TAF6: variants seen among roughly 807,000 people sequenced by gnomAD.
TAF6 encodes the protein transcription initiation factor TFIID subunit 6.
TAF6 carries 50 observed loss-of-function variants against 73.5 expected under a neutral mutation model. The ratio of observed to expected loss-of-function variants is 0.68; its 90% confidence interval spans 0.54 to 0.86. The LOEUF is 0.86. Ranked by LOEUF, TAF6 falls within the 40% of genes least tolerant of loss-of-function variation. The probability of loss-of-function intolerance (pLI) is 0.00; values close to 1 mark genes in which losing one functional copy is unlikely to be tolerated. For synonymous variants in TAF6, 424 were observed against 376.7 expected (o/e 1.13, Z -1.45); for missense variants, 768 against 899.5 (o/e 0.85, Z 1.87).
In TAF6 at chr7:100,113,853, G is replaced by C; in HGVS notation, c.243+15C>G. The C allele has an allele frequency of 6.2e-7, 1 of 1,611,066 alleles. No homozygotes were observed. The highest frequency in any genetic ancestry group is 8.5e-7 in the Non-Finnish European group (1 of 1,178,660). The stretch of plus-strand genomic sequence containing the variant: ...ATGGCGTCTCACCCCCCCCCCGCCT[G>C]TCTCCCCAAATCACCTCGACATTCT... On this transcript the variant is annotated intron_variant, in intron 3 of 14. Coordinates refer to ENST00000453269, the MANE Select transcript of TAF6 (RefSeq NM_139315.3).
In TAF6 at chr7:100,112,255, T is replaced by A. The variant is rs1387867114; in HGVS notation, c.575-2A>T. ...AGGGCGGCGCCTTCTTCTCTTTCCC[T>A]GTGTGATTGGAAAGGTGGGTCTGAC... On this transcript the variant is annotated splice_acceptor_variant, in intron 6 of 14. Coordinates refer to ENST00000453269, the MANE Select transcript of TAF6 (RefSeq NM_139315.3). LOFTEE classifies it high-confidence loss of function. 1 of 1,610,706 alleles carries A rather than the reference T, an allele frequency of 6.2e-7. No homozygotes were observed. The highest frequency in any genetic ancestry group is 8.5e-7 in the Non-Finnish European group (1 of 1,178,630).
chr7:100,111,410 G>A, intron 9 of TAF6, 89 bp from the exon 10 acceptor site: 1 of 1,445,342 alleles, frequency 6.9e-7, no homozygotes, highest in Non-Finnish European at 9.4e-7. Flanking sequence ...TGGTGTGCAG[G>A]GACACAATCA....
At chr7:100,122,581 A>T (rs779157704), upstream of TAF6, 1 of 1,599,386 alleles carries the variant, frequency 6.3e-7, no homozygotes, top group East Asian at 2.2e-5. Context: ...TGCCAAGGTC[A>T]GACCCTTCCC....
In TAF6 at chr7:100,107,181, T is replaced by C. The variant is rs1330352160; in HGVS notation, c.*65A>G. The C allele has an allele frequency of 9.9e-6, 15 of 1,516,764 alleles. 1 individual carries two copies. In the East Asian group the frequency reaches 3.2e-4, roughly 32 times the overall value. The allele number at this position is 1,516,764 out of a possible 1,614,324, so 94.0% of individuals were successfully genotyped here. On this transcript the variant is annotated 3_prime_UTR_variant, in exon 15 of 15. Transcript: ENST00000453269. ...CTTCCTTCCGCTTAGCGAGCATGCA[T>C]GTGTGTACGTGCACGTGTGTACATG...
rs185657098 is a variant in TAF6 at position 100,107,375 on chromosome 7, C to T, written c.1905G>A (p.Pro635=). The part of the protein sequence containing the change: ...PSPVPPPASS[P]SPLSGSALCG... ...AAAGGGCACTGCCGCTGAGTGGGGA[C>T]GGGGACGATGCCGGGGGAGGAACTG... The change falls in exon 15 of 15, where the codon CCG becomes CCA. Residue 635 remains proline, a synonymous_variant. Coordinates refer to ENST00000453269, the MANE Select transcript of TAF6 (RefSeq NM_139315.3). 2.1e-5 allele frequency: 33 copies of T among 1,587,848 alleles called. No individual in the cohort carries two copies. In the Middle Eastern group the frequency reaches 5.1e-4, roughly 24 times the overall value.
chr7:100,121,116 A>ATATACATATATT (rs1584585316), upstream of TAF6: 6 of 52,778 alleles, frequency 1.1e-4, 1 homozygote, highest in Non-Finnish European at 1.9e-4. Flanking sequence ...ATATATATAT[A>ATATACATATATT]TTTTTTTTTT....
chr7:100,118,984 C>G (rs1016130548), intron 1 of TAF6: 2 of 985,322 alleles, frequency 2.0e-6, no homozygotes, highest in African/African-American at 3.5e-5. Flanking sequence ...AGTAAAGGCT[C>G]ATAAAACACG....
upstream of TAF6, chr7:100,121,116 A>ATATATTTTTTTTTTT (rs1584585316): frequency 5.7e-5 from 3 of 52,778 alleles, no homozygotes; most frequent in African/African-American, 9.7e-5. Flanking sequence ...ATATATATAT[A>ATATATTTTTTTTTTT]TTTTTTTTTT....
At chr7:100,112,475 G>A (rs1251417894) in intron 6 of TAF6, among the ~76,000 whole-genome samples, 1 of 152,192 alleles carries the variant, frequency 6.6e-6, no homozygotes, top group Non-Finnish European at 1.5e-5. Context: ...CACTTTGGGA[G>A]GCCAAGGCGG....
At position 100,107,245 on chromosome 7, in the gene TAF6, A is replaced by G. The variant is rs1387556525; in HGVS notation, c.*1T>C. ...GAATCCGGGGGCTGGCAGGTGGAGC[A>G]TCACGGAGCAGGCTGAGGGGAGCCG... is the stretch of plus-strand genomic sequence containing the variant. On this transcript the variant is annotated 3_prime_UTR_variant, in exon 15 of 15. Coordinates refer to ENST00000453269, the MANE Select transcript of TAF6 (RefSeq NM_139315.3). The G allele has an allele frequency of 6.6e-7, 1 of 1,522,046 alleles. No individual in the cohort carries two copies. Among genetic ancestry groups the G allele is most frequent in the Admixed American group, 2.2e-5 (1 of 44,794 alleles). The allele number at this position is 1,522,046 out of a possible 1,614,324, so 94.3% of individuals were successfully genotyped here.
intron 1 of TAF6, among the ~76,000 whole-genome samples, chr7:100,114,910 G>T (rs1797549888): frequency 1.3e-5 from 2 of 152,104 alleles, no homozygotes; most frequent in Admixed American, 6.6e-5. Context: ...AGCTACTCAG[G>T]AGGCAGAGGT....
chr7:100,111,891 G>A (rs551882557), intron 8 of TAF6, 31 bp downstream of exon 8: 15 of 1,613,890 alleles, frequency 9.3e-6, no homozygotes, highest in African/African-American at 5.3e-5. Context: ...TTCCACTGCC[G>A]TCCCTGCACT....
chr7:100,113,794 G>A, intron 3 of TAF6, 25 bp from the exon 4 acceptor site: 1 of 1,613,646 alleles, frequency 6.2e-7, no homozygotes, highest in South Asian at 1.1e-5. Flanking sequence ...AGGGGCATGG[G>A]TAAGAAGGGA....
At chr7:100,126,401 G>A in the TAF6 span, among the ~76,000 whole-genome samples, 1 of 152,192 alleles carries the variant, frequency 6.6e-6, no homozygotes, top group East Asian at 1.9e-4. Context: ...CACTCCAGGA[G>A]GCTGAAGCAG....
upstream of TAF6, chr7:100,119,632 A>C (rs1257777439): frequency 6.3e-7 from 1 of 1,597,944 alleles, no homozygotes; most frequent in East Asian, 2.3e-5. Flanking sequence ...GCATGCGCCG[A>C]CCTTCCTCGG....
chr7:100,117,556 G>C (rs1183206791), intron 1 of TAF6, among the ~76,000 whole-genome samples: 1 of 151,688 alleles, frequency 6.6e-6, no homozygotes, highest in Non-Finnish European at 1.5e-5. Context: ...ACAGGCGTGA[G>C]CCACTGTGCC....
intron 10 of TAF6, among the ~76,000 whole-genome samples, chr7:100,110,852 G>A (rs1210909031): frequency 6.6e-6 from 1 of 151,752 alleles, no homozygotes; most frequent in Admixed American, 6.6e-5. Flanking sequence ...TGTGGTGGCA[G>A]GTGCCTGTAA....
upstream of TAF6, chr7:100,122,681 C>A: frequency 6.6e-7 from 1 of 1,522,982 alleles, no homozygotes; most frequent in Admixed American, 1.9e-5. Flanking sequence ...CATCATGGAA[C>A]TCACCCTTGA....
upstream of TAF6, among the ~76,000 whole-genome samples, chr7:100,121,722 G>A (rs1798072832): frequency 6.6e-6 from 1 of 151,396 alleles, no homozygotes; most frequent in Non-Finnish European, 1.5e-5. Context: ...TTACAGGTGT[G>A]AGCCACCACT....
Sources: allele counts gnomAD v4.1 joint callset (sites outside exome capture counted in the v4.1 genomes callset), GRCh38; gene constraint gnomAD v4.1.1; transcripts MANE v1.5; gene names NCBI Gene and HGNC (gene_info 2026-07-23, HGNC 2026-07-21).